The following SLC36A1 variants were observed in gnomAD, a reference collection of about 807,000 sequenced individuals.
SLC36A1 encodes the protein solute carrier family 36 member 1.
SLC36A1 carries 30 observed loss-of-function variants against 47.5 expected under a neutral mutation model. The observed-to-expected ratio is 0.63, with a 90% CI of 0.47 to 0.86. SLC36A1 has a LOEUF of 0.86. Ranked by LOEUF, SLC36A1 falls within the 40% of genes least tolerant of loss-of-function variation. The pLI, the probability that SLC36A1 is intolerant of heterozygous loss-of-function variation, is 0.00. For synonymous variants in SLC36A1, 255 were observed against 249.7 expected, an observed-to-expected ratio of 1.02 and a Z score of -0.20; for missense variants, 517 against 606.0, an observed-to-expected ratio of 0.85 and a Z score of 1.54.
In SLC36A1 at chr5:151,439,758, A is replaced by G. The variant is rs147032489; in HGVS notation, c.-6+2579A>G. Among the ~76,000 whole-genome samples the G allele has an allele frequency of 5.9e-3, 889 of 151,402 alleles. 17 individuals carry two copies. The highest frequency in any genetic ancestry group is 0.021 in the African/African-American group (859 of 41,356). On this transcript the variant is annotated intron_variant, in intron 1 of 8. Coordinates refer to the SLC36A1 transcript ENST00000429484. ...TTGATCTGGCCCCAGCACTTTTCCT[A>G]TGTACTTGAGCTGATGATTTCTTGC... is the stretch of plus-strand genomic sequence containing the variant.
At chr5:151,528,337 T>G in the SLC36A1 span, among the ~76,000 whole-genome samples, 1 of 152,214 alleles carries the variant, frequency 6.6e-6, no homozygotes, top group Non-Finnish European at 1.5e-5. Flanking sequence ...CACTCACCAT[T>G]CACTCTTGCT....
the SLC36A1 span, among the ~76,000 whole-genome samples, chr5:151,409,337 G>T: frequency 2.0e-5 from 3 of 152,108 alleles, no homozygotes; most frequent in Non-Finnish European, 4.4e-5. Context: ...TGTTGCTCAG[G>T]CAGGAGGGCC....
At chr5:151,442,814 C>T (rs1310422584), upstream of SLC36A1, among the ~76,000 whole-genome samples, 1 of 152,008 alleles carries the variant, frequency 6.6e-6, no homozygotes, top group African/African-American at 2.4e-5. Flanking sequence ...CACTCCTGGG[C>T]CCTGGTCACC....
Position 151,468,266 on chromosome 5 carries a change from A to AAAATAT in SLC36A1, c.723+342_723+343insAATATA, listed in dbSNP as rs55642458. Reference sequence around the variant, plus strand: ...GACTCTGTCTCAAAAAAAAAAAAAAAATATATATATATATATATATATATA... The same window carrying AAAATAT: ...GACTCTGTCTCAAAAAAAAAAAAAAAAAATATATATATATATATATATATATATATA... On this transcript the variant is annotated intron_variant, in intron 7 of 10. Coordinates refer to ENST00000243389, the MANE Select transcript of SLC36A1 (RefSeq NM_078483.4). Among the ~76,000 whole-genome samples the AAAATAT allele has an allele frequency of 1.3e-3, 86 of 63,816 alleles. 1 individual carries two copies. The highest frequency in any genetic ancestry group is 1.5e-3 in the Non-Finnish European group (55 of 37,812). 41.9% of individuals were successfully genotyped at this position (63,816 alleles called of 152,430 possible). A position where few individuals can be genotyped will look rare whatever the true frequency, so the allele number is the denominator to read the frequency against.
At chr5:151,406,703 G>A in the SLC36A1 span, 2 of 152,364 alleles carry the variant, frequency 1.3e-5, no homozygotes, top group Non-Finnish European at 2.9e-5. Flanking sequence ...TCATCCTTTG[G>A]TGGGTGGACT....
At chr5:151,550,837 T>C in the SLC36A1 span, 3 of 1,613,348 alleles carry the variant, frequency 1.9e-6, no homozygotes, top group East Asian at 4.5e-5. Flanking sequence ...CTGGGGCCGA[T>C]GGTGGTTAAT....
At chr5:151,517,145 A>C in the SLC36A1 span, among the ~76,000 whole-genome samples, 3 of 152,118 alleles carry the variant, frequency 2.0e-5, no homozygotes, top group Admixed American at 6.6e-5. Flanking sequence ...GTAGATTGGC[A>C]TATGTGATAG....
chr5:151,531,287 G>A, the SLC36A1 span, among the ~76,000 whole-genome samples: 1 of 152,210 alleles, frequency 6.6e-6, no homozygotes, highest in East Asian at 1.9e-4. This position sits in a 1 kb window ranked among gnomAD's most constrained non-coding sequence, Gnocchi z 5.7. Context: ...CTGGGCCTGA[G>A]CTGAGACCAT....
chr5:151,507,592 C>G, the SLC36A1 span: 5 of 1,605,464 alleles, frequency 3.1e-6, no homozygotes, highest in Non-Finnish European at 2.5e-6. Context: ...TCTGAACAAC[C>G]CCTCGCCTCC....
chr5:151,465,212 T>G, intron 5 of SLC36A1, 43 bp downstream of exon 5: 1 of 1,467,612 alleles, frequency 6.8e-7, no homozygotes, highest in Non-Finnish European at 9.6e-7. Flanking sequence ...CCTCCCAGTG[T>G]GAGGCCTTCA....
intron 1 of SLC36A1, among the ~76,000 whole-genome samples, chr5:151,441,586 A>C (rs1752635086): frequency 6.6e-6 from 1 of 152,210 alleles, no homozygotes; most frequent in East Asian, 1.9e-4. Flanking sequence ...ACATACGTAT[A>C]TATTTCTGTA....
upstream of SLC36A1, among the ~76,000 whole-genome samples, chr5:151,433,267 T>TATA (rs1421061752): frequency 1.3e-4 from 1 of 7,648 alleles, no homozygotes; most frequent in Non-Finnish European, 2.6e-4. Flanking sequence ...TATATATATA[T>TATA]TTTTTTTTTT....
At chr5:151,505,484 A>G in the SLC36A1 span, 1 of 1,552,326 alleles carries the variant, frequency 6.4e-7, no homozygotes, top group African/African-American at 1.4e-5. Context: ...AGCCACACTC[A>G]ACTCACCCCC....
At chr5:151,372,915 T>C in the SLC36A1 span, among the ~76,000 whole-genome samples, 1 of 151,918 alleles carries the variant, frequency 6.6e-6, no homozygotes, top group Admixed American at 6.6e-5. Context: ...AACATATGAG[T>C]AATTGGAATC....
At chr5:151,511,308 C>T in the SLC36A1 span, 1 of 152,166 alleles carries the variant, frequency 6.6e-6, no homozygotes, top group East Asian at 1.9e-4. Flanking sequence ...AGGAACCTCT[C>T]ATGTTGTGTG....
At chr5:151,377,774 T>C in the SLC36A1 span, among the ~76,000 whole-genome samples, 1 of 152,212 alleles carries the variant, frequency 6.6e-6, no homozygotes, top group African/African-American at 2.4e-5. Context: ...ATGTAATTAT[T>C]TTCTTCTTTT....
chr5:151,433,272 T>A (rs1232285065), upstream of SLC36A1, among the ~76,000 whole-genome samples: 385 of 34,050 alleles, frequency 0.011, no homozygotes, highest in Non-Finnish European at 0.013. Flanking sequence ...ATATATTTTT[T>A]TTTTTTTTTT....
chr5:151,405,259 A>T, the SLC36A1 span, among the ~76,000 whole-genome samples: 2 of 147,486 alleles, frequency 1.4e-5, no homozygotes. Flanking sequence ...TAAAATGGCT[A>T]TGTTGTCTTT....
chr5:151,471,838 G>A (rs1020407861), intron 7 of SLC36A1, among the ~76,000 whole-genome samples: 1 of 152,128 alleles, frequency 6.6e-6, no homozygotes, highest in Non-Finnish European at 1.5e-5. Context: ...AGCATGCCCC[G>A]TATTATCCAA....
Sources: allele counts gnomAD v4.1 joint callset (sites outside exome capture counted in the v4.1 genomes callset), GRCh38; gene constraint gnomAD v4.1.1; non-coding constraint Gnocchi (gnomAD v3.1); transcripts MANE v1.5; gene names NCBI Gene and HGNC (gene_info 2026-07-23, HGNC 2026-07-21).